SLC24A2: variants seen among roughly 807,000 people sequenced by gnomAD.
SLC24A2 encodes the protein solute carrier family 24 member 2.
In SLC24A2, 36 loss-of-function variants were observed where a neutral mutation model predicts 62.0. The ratio of observed to expected loss-of-function variants is 0.58; its 90% CI spans 0.44 to 0.77. SLC24A2 has a LOEUF of 0.77. Ranked by LOEUF, SLC24A2 falls within the 30% of genes least tolerant of loss-of-function variation. The pLI, the probability that SLC24A2 is intolerant of heterozygous loss-of-function variation, is 0.00. For synonymous variants in SLC24A2, 358 were observed against 294.0 expected (o/e 1.22, Z -2.23); for missense variants, 846 against 817.9 (o/e 1.03, Z -0.42).
At chr9:19,699,984 G>A (rs889017581) in intron 2 of SLC24A2, among the ~76,000 whole-genome samples, 4 of 152,116 alleles carry the variant, frequency 2.6e-5, no homozygotes, top group Non-Finnish European at 5.9e-5. Flanking sequence ...CTTACTGGCT[G>A]TGTCTTTCTG....
the SLC24A2 span, among the ~76,000 whole-genome samples, chr9:20,095,851 G>T: frequency 6.6e-6 from 1 of 152,084 alleles, no homozygotes; most frequent in Non-Finnish European, 1.5e-5. Flanking sequence ...GTCTTATATG[G>T]CAGCAGACAA....
intron 2 of SLC24A2, among the ~76,000 whole-genome samples, chr9:19,698,738 C>G (rs936732435): frequency 6.6e-6 from 1 of 152,150 alleles, no homozygotes; most frequent in Non-Finnish European, 1.5e-5. Flanking sequence ...ATCCAAATAT[C>G]AAATACACAC....
At chr9:19,662,318 C>T (rs989638176) in intron 2 of SLC24A2, among the ~76,000 whole-genome samples, 3 of 152,102 alleles carry the variant, frequency 2.0e-5, no homozygotes, top group Non-Finnish European at 4.4e-5. Context: ...TGTGTTAATA[C>T]AACACATTTC....
At chr9:19,673,536 C>T (rs754472648) in intron 2 of SLC24A2, among the ~76,000 whole-genome samples, 2 of 152,084 alleles carry the variant, frequency 1.3e-5, no homozygotes, top group Non-Finnish European at 2.9e-5. Context: ...GCAACCTCTG[C>T]CTCCCAGGTT....
chr9:19,855,858 T>C, the SLC24A2 span, among the ~76,000 whole-genome samples: 4 of 152,240 alleles, frequency 2.6e-5, no homozygotes, highest in Non-Finnish European at 5.9e-5. Context: ...GAAGTTCTCC[T>C]GGATAATATC....
At chr9:20,281,839 C>T in the SLC24A2 span, among the ~76,000 whole-genome samples, 1 of 152,296 alleles carries the variant, frequency 6.6e-6, no homozygotes, top group Non-Finnish European at 1.5e-5. Flanking sequence ...AAATTGATAT[C>T]TCTACAGTAC....
the SLC24A2 span, among the ~76,000 whole-genome samples, chr9:19,795,156 C>G: frequency 6.6e-6 from 1 of 152,166 alleles, no homozygotes; most frequent in African/African-American, 2.4e-5. Context: ...TCAAGTTGTT[C>G]AGCTGGAACA....
chr9:20,228,284 T>C, the SLC24A2 span, among the ~76,000 whole-genome samples: 1 of 152,114 alleles, frequency 6.6e-6, no homozygotes, highest in Non-Finnish European at 1.5e-5. Flanking sequence ...GTCAAAGTCC[T>C]TGAACTTCCT....
In SLC24A2 at chr9:19,764,168, T is replaced by C. The variant is rs970423100; in HGVS notation, c.930+21769A>G. Among the ~76,000 whole-genome samples, 10 of 152,370 alleles carry C rather than the reference T, an allele frequency of 6.6e-5. No homozygotes were observed. The South Asian group carries it at 1.2e-3, about 19-fold the overall frequency. ...GGCATCAGTGGTGATCTCTCCTTTA[T>C]CATTTTTTATTGCGTCTATTTGATT... On this transcript the variant is annotated intron_variant, in intron 2 of 10. Coordinates refer to ENST00000341998, the MANE Select transcript of SLC24A2 (RefSeq NM_020344.4).
At position 19,515,282 on chromosome 9, in the gene SLC24A2, T is replaced by G. The variant is rs1029140481; in HGVS notation, c.*871A>C. ...AACCCAACCCTGGTTACCTCCCCAC[T>G]TCCCCAAACCAAGCCACCCAGCCTG... On this transcript the variant is annotated 3_prime_UTR_variant, in exon 11 of 11. Coordinates refer to ENST00000341998, the MANE Select transcript of SLC24A2 (RefSeq NM_020344.4). 2.0e-5 allele frequency: 3 copies of G among 152,092 alleles called. No homozygotes were observed. The highest frequency in any genetic ancestry group is 2.9e-5 in the Non-Finnish European group (2 of 68,014). The allele number at this position is 152,092 out of a possible 1,614,324, so 9.4% of individuals were successfully genotyped here.
intron 2 of SLC24A2, among the ~76,000 whole-genome samples, chr9:19,715,183 T>C (rs1820823913): frequency 6.6e-6 from 1 of 152,202 alleles, no homozygotes. Context: ...GAATTATAGA[T>C]ACCTACAAAA....
the SLC24A2 span, among the ~76,000 whole-genome samples, chr9:20,270,745 C>A: frequency 6.6e-6 from 1 of 152,142 alleles, no homozygotes; most frequent in East Asian, 1.9e-4. Context: ...GACAAAAACC[C>A]GTGTCATCAT....
chr9:19,689,439 T>C (rs1819979683), intron 2 of SLC24A2, among the ~76,000 whole-genome samples: 2 of 152,154 alleles, frequency 1.3e-5, no homozygotes, highest in African/African-American at 4.8e-5. Context: ...GCATTTTGGA[T>C]ATTAAGGAAT....
chr9:19,602,895 A>G (rs1836878778), intron 4 of SLC24A2, among the ~76,000 whole-genome samples: 1 of 152,230 alleles, frequency 6.6e-6, no homozygotes, highest in African/African-American at 2.4e-5. Flanking sequence ...TAAATATTCA[A>G]TAAATATTAG....
chr9:19,741,055 G>T (rs1402987545), intron 2 of SLC24A2, among the ~76,000 whole-genome samples: 1 of 152,134 alleles, frequency 6.6e-6, no homozygotes, highest in African/African-American at 2.4e-5. Flanking sequence ...GCTATCCTCT[G>T]TATGTCCTTC....
chr9:20,135,736 T>A, the SLC24A2 span, among the ~76,000 whole-genome samples: 40 of 152,254 alleles, frequency 2.6e-4, no homozygotes, highest in East Asian at 5.8e-3. Context: ...TATTTTTTTT[T>A]AATTTTAATT....
intron 2 of SLC24A2, among the ~76,000 whole-genome samples, chr9:19,736,342 G>T (rs993723254): frequency 2.0e-5 from 3 of 152,110 alleles, no homozygotes; most frequent in African/African-American, 7.2e-5. Flanking sequence ...AATGCAAATT[G>T]ATTAAATCTA....
the SLC24A2 span, among the ~76,000 whole-genome samples, chr9:20,304,450 T>TA: frequency 6.6e-6 from 1 of 152,178 alleles, no homozygotes; most frequent in African/African-American, 2.4e-5. Context: ...AATACAGAGA[T>TA]AGAGATAATT....
chr9:19,608,825 C>A (rs1452233335), intron 4 of SLC24A2, among the ~76,000 whole-genome samples: 1 of 152,064 alleles, frequency 6.6e-6, no homozygotes. Flanking sequence ...CATAGACACT[C>A]GCACATACCT....
Sources: allele counts gnomAD v4.1 joint callset (sites outside exome capture counted in the v4.1 genomes callset), GRCh38; gene constraint gnomAD v4.1.1; transcripts MANE v1.5; gene names NCBI Gene and HGNC (gene_info 2026-07-23, HGNC 2026-07-21).